The following SNX7 variants were observed in gnomAD, a reference collection of about 807,000 sequenced individuals.
SNX7 encodes sorting nexin 7.
In SNX7, 35 loss-of-function variants were observed where a neutral mutation model predicts 48.4. The ratio of observed to expected loss-of-function variants is 0.72; its 90% CI spans 0.55 to 0.96. SNX7 has a LOEUF of 0.96. Ranked by LOEUF, SNX7 falls within the 40% of genes least tolerant of loss-of-function variation. The pLI, the probability that SNX7 is intolerant of heterozygous loss-of-function variation, is 0.00. For synonymous variants in SNX7, 190 were observed against 190.2 expected (o/e 1.00, Z 0.01); for missense variants, 553 against 548.9 (o/e 1.01, Z -0.07).
chr1:98,728,882 T>A (rs574424968), intron 7 of SNX7, among the ~76,000 whole-genome samples: 1 of 152,124 alleles, frequency 6.6e-6, no homozygotes, highest in Admixed American at 6.5e-5. Context: ...ATTACACAGA[T>A]CATCAAGACT....
Sources: allele counts gnomAD v4.1 joint callset (sites outside exome capture counted in the v4.1 genomes callset), GRCh38; gene constraint gnomAD v4.1.1; transcripts MANE v1.5; gene names NCBI Gene and HGNC (gene_info 2026-07-23, HGNC 2026-07-21).